Variants in NFIA observed in about 807,000 individuals in gnomAD.
The protein encoded by NFIA is nuclear factor I A.
A neutral mutation model predicts 62.8 loss-of-function variants in NFIA; 8 were observed. The observed-to-expected ratio is 0.13, with a 90% CI of 0.07 to 0.23. NFIA has a LOEUF of 0.23. NFIA is among the 10% of genes least tolerant of loss of function. NFIA has a pLI of 1.00. For synonymous variants in NFIA, 235 were observed against 238.1 expected (o/e 0.99, Z 0.12); for missense variants, 410 against 642.1 (o/e 0.64, Z 3.91).
chr1:61,456,100 G>A lies in NFIA; in HGVS notation c.*780G>A, dbSNP rs2100596114. The A allele has an allele frequency of 6.6e-6, 1 of 152,664 alleles. No homozygotes were observed. The highest frequency in any genetic ancestry group is 1.5e-5 in the Non-Finnish European group (1 of 68,020). 9.5% of individuals were successfully genotyped at this position (152,664 alleles called of 1,614,324 possible). On this transcript the variant is annotated 3_prime_UTR_variant, in exon 11 of 11. Transcript: ENST00000403491. ...TCAACAATGACACAAAAATTCACAT[G>A]GAAATGGGGAAGATGGTCTGTTTTG...
chr1:61,138,184 C>T (rs866435939), intron 2 of NFIA, among the ~76,000 whole-genome samples: 12 of 152,226 alleles, frequency 7.9e-5, no homozygotes, highest in Non-Finnish European at 1.0e-4. Context: ...CAGCCTTGAC[C>T]TCCCAGGCTC....
At chr1:61,084,890 G>A (rs1021347312) in intron 1 of NFIA, among the ~76,000 whole-genome samples, 36 of 150,912 alleles carry the variant, frequency 2.4e-4, no homozygotes, top group African/African-American at 8.5e-4. Context: ...ATATTCAGCA[G>A]CGTTGATTGA....
intron 2 of NFIA, among the ~76,000 whole-genome samples, chr1:61,231,839 C>A (rs1654689500): frequency 1.3e-5 from 2 of 150,184 alleles, no homozygotes; most frequent in Non-Finnish European, 3.0e-5. Flanking sequence ...GACCATGCCT[C>A]AGTGTAAAAA....
chr1:61,385,437 A>T (rs1477848934), intron 7 of NFIA, among the ~76,000 whole-genome samples: 2 of 152,158 alleles, frequency 1.3e-5, no homozygotes, highest in African/African-American at 2.4e-5. Flanking sequence ...TGGGTTTTTT[A>T]ATGTCCTCAT....
chr1:61,190,408 A>G (rs2100574249), intron 2 of NFIA, among the ~76,000 whole-genome samples: 1 of 152,320 alleles, frequency 6.6e-6, no homozygotes, highest in South Asian at 2.1e-4. Context: ...CATTCCTGGA[A>G]GCCAGGCCAT....
At chr1:61,349,898 C>T (rs1267386931) in intron 4 of NFIA, among the ~76,000 whole-genome samples, 1 of 152,116 alleles carries the variant, frequency 6.6e-6, no homozygotes, top group East Asian at 1.9e-4. Flanking sequence ...TGTGCCCAGC[C>T]AGTCAGTACA....
intron 3 of NFIA, among the ~76,000 whole-genome samples, chr1:61,325,932 C>CAAAAAA (rs36122626): frequency 4.6e-5 from 4 of 87,892 alleles, no homozygotes; most frequent in African/African-American, 4.6e-5. Context: ...GACTCTGTCT[C>CAAAAAA]AAAAAAAAAA....
chr1:61,210,117 A>C (rs1029086462), intron 2 of NFIA, among the ~76,000 whole-genome samples: 1 of 152,206 alleles, frequency 6.6e-6, no homozygotes, highest in African/African-American at 2.4e-5. Flanking sequence ...GTGTATAGAC[A>C]TAAAAACTGG....
intron 6 of NFIA, among the ~76,000 whole-genome samples, chr1:61,362,576 C>A (rs555568634): frequency 6.6e-6 from 1 of 152,196 alleles, no homozygotes; most frequent in East Asian, 1.9e-4. Context: ...ACCAGACATG[C>A]AGTAAATTAC....
intron 8 of NFIA, among the ~76,000 whole-genome samples, chr1:61,405,584 A>G (rs1665776031): frequency 6.6e-6 from 1 of 152,146 alleles, no homozygotes; most frequent in South Asian, 2.1e-4. Context: ...GGTTGAATAG[A>G]GGCCTCTTGG....
At position 61,461,398 on chromosome 1, in the gene NFIA, G is replaced by C. The variant is rs989860747; in HGVS notation, c.*6078G>C. The C allele has an allele frequency of 6.6e-6, 1 of 152,136 alleles. No homozygotes were observed. The highest frequency in any genetic ancestry group is 2.4e-5 in the African/African-American group (1 of 41,430). 9.4% of individuals were successfully genotyped at this position (152,136 alleles called of 1,614,324 possible). On this transcript the variant is annotated 3_prime_UTR_variant, in exon 11 of 11. Transcript: ENST00000403491. ...CTTTGGGCCCGATTCATAAGAAAAAGAAGTTTGCTATTAACACGGGATTTT... is the reference window on the plus strand; with the variant it reads ...CTTTGGGCCCGATTCATAAGAAAAACAAGTTTGCTATTAACACGGGATTTT...
rs145764080 is a variant in NFIA, at chr1:61,161,236, A to G, written c.559+72556A>G. Among the ~76,000 whole-genome samples the G allele has an allele frequency of 9.1e-3, 1,392 of 152,254 alleles. 17 individuals are homozygous for G. The highest frequency in any genetic ancestry group is 0.061 in the Middle Eastern group (18 of 294). The stretch of plus-strand genomic sequence containing the variant: ...GGCAGTACATGTTTTTCTTAAAGTC[A>G]TTTACGGTTACGTTTCCTTTATCTG... On this transcript the variant is annotated intron_variant, in intron 2 of 10. Transcript: ENST00000403491.
chr1:61,125,552 G>A (rs760145868), intron 2 of NFIA, among the ~76,000 whole-genome samples: 4 of 152,144 alleles, frequency 2.6e-5, no homozygotes, highest in African/African-American at 4.8e-5. Context: ...ATCCTGGAAC[G>A]TTTTATAGGG....
Position 61,088,425 on chromosome 1 carries a change from T to C in NFIA, c.304T>C (p.Cys102Arg), listed in dbSNP as rs1646259035. 3 of 1,613,784 alleles carry C rather than the reference T, an allele frequency of 1.9e-6. No homozygotes were observed. The highest frequency in any genetic ancestry group is 2.5e-6 in the Non-Finnish European group (3 of 1,179,998). Residue 102 changes from cysteine (C) to arginine (R), a missense_variant, in exon 2 of 11, where the codon TGT (cysteine) becomes CGT (arginine). This residue lies in a region of NFIA where 86 missense variants were observed against 124.6 expected (regional missense o/e 0.69). Coordinates refer to ENST00000403491, the MANE Select transcript of NFIA (RefSeq NM_001134673.4). The surrounding 1 kb of genome is among the most constrained non-coding windows in gnomAD (Gnocchi z 4.5). ...VLTVTGKKPP[C>R]CVLSNPDQKG... ...TACAGTTACAGGGAAAAAACCTCCA[T>C]GTTGTGTTCTTTCCAACCCAGACCA...
At chr1:61,159,460 T>G (rs1649029804) in intron 2 of NFIA, among the ~76,000 whole-genome samples, 2 of 152,162 alleles carry the variant, frequency 1.3e-5, no homozygotes, top group Non-Finnish European at 2.9e-5. Context: ...CCTGAGATGC[T>G]GCATTTCTGA....
At position 61,404,280 on chromosome 1, in the gene NFIA, A is replaced by G; in HGVS notation, c.1252A>G (p.Asn418Asp). The change falls in exon 8 of 11, where the codon AAT becomes GAT. Residue 418 changes from asparagine (N) to aspartate (D), a missense_variant and splice_region_variant. Transcript: ENST00000403491. ...GCAGGCTGGACAGGTGGGGTTCCTC[A>G]ATGTAAGGAAACCTCTTTTTTTCCA... The part of the protein sequence containing the change: ...GQQAGQVGFL[N>D]PNGSSQGKVH... 1 of 1,598,254 alleles carries G rather than the reference A, an allele frequency of 6.3e-7. No individual in the cohort carries two copies.
At chr1:61,144,281 G>T (rs1647764676) in intron 2 of NFIA, among the ~76,000 whole-genome samples, 1 of 152,186 alleles carries the variant, frequency 6.6e-6, no homozygotes, top group Non-Finnish European at 1.5e-5. Flanking sequence ...TTTTAAACAA[G>T]CCCTGTAGAT....
At chr1:61,298,553 T>C (rs1659319083) in intron 3 of NFIA, among the ~76,000 whole-genome samples, 1 of 152,158 alleles carries the variant, frequency 6.6e-6, no homozygotes. Flanking sequence ...AGAATGTTGG[T>C]AGAAAATGCA....
chr1:61,276,980 C>A (rs925863837), intron 2 of NFIA, among the ~76,000 whole-genome samples: 5 of 152,108 alleles, frequency 3.3e-5, no homozygotes, highest in Non-Finnish European at 7.4e-5. Flanking sequence ...GCAGTTATTT[C>A]AAGAAAATGT....
Sources: allele counts gnomAD v4.1 joint callset (sites outside exome capture counted in the v4.1 genomes callset), GRCh38; gene constraint gnomAD v4.1.1; regional missense constraint gnomAD v4.1.1; non-coding constraint Gnocchi (gnomAD v3.1); transcripts MANE v1.5; gene names NCBI Gene and HGNC (gene_info 2026-07-23, HGNC 2026-07-21).